The following MYO5A variants were observed in gnomAD, a reference collection of about 807,000 sequenced individuals.
MYO5A encodes myosin VA.
In MYO5A, 98 loss-of-function variants were observed where a neutral mutation model predicts 249.7. The observed-to-expected ratio is 0.39, with a 90% confidence interval of 0.33 to 0.46. MYO5A has a LOEUF of 0.46. Ranked by LOEUF, MYO5A falls within the 20% of genes least tolerant of loss-of-function variation. The pLI is 0.98. For synonymous variants in MYO5A, 778 were observed against 810.6 expected (o/e 0.96, Z 0.68); for missense variants, 1,696 against 2,308.8 (o/e 0.73, Z 5.44).
At position 52,327,852 on chromosome 15, in the gene MYO5A, C is replaced by T. The variant is rs1367809252; in HGVS notation, c.4710G>A (p.Lys1570=). The change falls in exon 36 of 42, where the codon AAG becomes AAA. Residue 1570 remains lysine (K), a splice_region_variant and synonymous_variant. Coordinates refer to ENST00000399233, the MANE Select transcript of MYO5A (RefSeq NM_001382347.1). ...STINSIKKVL[K]KRGDDFETVS... ...AGAATTTTGTTGAACAGGAACTGACCTTCAATACTTTTTTGATGCTGTTAA... is the reference window on the plus strand; with the variant it reads ...AGAATTTTGTTGAACAGGAACTGACTTTCAATACTTTTTTGATGCTGTTAA... The T allele has an allele frequency of 6.2e-7, 1 of 1,613,076 alleles. No individual in the cohort carries two copies.
At chr15:52,472,745 G>A (rs2076502908) in intron 1 of MYO5A, among the ~76,000 whole-genome samples, 1 of 152,090 alleles carries the variant, frequency 6.6e-6, no homozygotes, top group African/African-American at 2.4e-5. Flanking sequence ...TGGCTACGTA[G>A]TATTCCATGG....
At chr15:52,376,876 T>C (rs1212875385) in intron 18 of MYO5A, among the ~76,000 whole-genome samples, 1 of 152,212 alleles carries the variant, frequency 6.6e-6, no homozygotes, top group Non-Finnish European at 1.5e-5. Flanking sequence ...CTCAAGGAAA[T>C]GGAGATGCTG....
intron 14 of MYO5A, among the ~76,000 whole-genome samples, chr15:52,386,626 C>G (rs770035348): frequency 3.3e-5 from 5 of 151,934 alleles, no homozygotes; most frequent in Non-Finnish European, 7.4e-5. Flanking sequence ...CGGCTCACTG[C>G]AGCCTCAACC....
intron 4 of MYO5A, among the ~76,000 whole-genome samples, chr15:52,419,875 T>C (rs902564068): frequency 1.3e-5 from 2 of 152,254 alleles, no homozygotes; most frequent in African/African-American, 4.8e-5. Flanking sequence ...ATTTTATTCC[T>C]GCTGCAACCT....
At chr15:52,447,569 G>C (rs545333663) in intron 1 of MYO5A, among the ~76,000 whole-genome samples, 8 of 152,338 alleles carry the variant, frequency 5.3e-5, no homozygotes, top group African/African-American at 1.9e-4. Context: ...GTAATGGGCA[G>C]AGGTTCAAAC....
intron 34 of MYO5A, among the ~76,000 whole-genome samples, chr15:52,332,719 T>A (rs1013990270): frequency 3.9e-5 from 6 of 152,164 alleles, no homozygotes; most frequent in Non-Finnish European, 7.4e-5. Flanking sequence ...ATCAGAGCAC[T>A]TTGGGAGGCC....
intron 1 of MYO5A, among the ~76,000 whole-genome samples, chr15:52,512,156 G>A (rs2077404443): frequency 7.7e-6 from 1 of 129,052 alleles, no homozygotes. Flanking sequence ...GAGCAAGACT[G>A]TCTCAAAAAA....
chr15:52,314,644 C>T (rs558334685), intron 40 of MYO5A, among the ~76,000 whole-genome samples: 2 of 152,112 alleles, frequency 1.3e-5, no homozygotes, highest in African/African-American at 4.8e-5. Flanking sequence ...AAAATGTTAG[C>T]CGTATTAATA....
At chr15:52,344,073 C>A (rs1290726148) in intron 30 of MYO5A, among the ~76,000 whole-genome samples, 3 of 152,156 alleles carry the variant, frequency 2.0e-5, no homozygotes, top group African/African-American at 7.2e-5. Flanking sequence ...TGGATCCCAG[C>A]ACTGACTCTG....
chr15:52,374,273 T>C (rs956061321), intron 20 of MYO5A, among the ~76,000 whole-genome samples: 1 of 152,248 alleles, frequency 6.6e-6, no homozygotes. Context: ...TATCTGTCAA[T>C]ACAATTTTAA....
rs544886982 is a variant in MYO5A at position 52,412,919 on chromosome 15, G to A, written c.613-2443C>T. ...TCCCAGCACTTTGGGAGGCCAAGGC[G>A]GGTGGATCACCTGAGGTCAAGAGTT... On this transcript the variant is annotated intron_variant, in intron 5 of 41. Transcript: ENST00000399233. 4.0e-5 allele frequency among the ~76,000 whole-genome samples: 6 copies of A among 151,898 alleles called. No individual in the cohort carries two copies. The South Asian group carries it at 1.0e-3, about 26-fold the overall frequency.
chr15:52,384,457 T>C, intron 14 of MYO5A, 135 bp from the exon 15 acceptor site: 1 of 910,202 alleles, frequency 1.1e-6, no homozygotes, highest in Non-Finnish European at 1.7e-6. Flanking sequence ...AGTCAGTATC[T>C]GTGCTAAGAG....
intron 1 of MYO5A, among the ~76,000 whole-genome samples, chr15:52,527,059 G>GA (rs1371304939): frequency 1.3e-5 from 2 of 152,106 alleles, no homozygotes; most frequent in African/African-American, 2.4e-5. Context: ...CATGTTTTAA[G>GA]AAAGTTTATG....
intron 34 of MYO5A, 101 bp downstream of exon 34, chr15:52,336,362 A>G (rs1279426073): frequency 2.7e-6 from 2 of 747,946 alleles, no homozygotes; most frequent in East Asian, 5.4e-5. Context: ...TATCCCTAAT[A>G]TTTGCATGCA....
chr15:52,372,956 ATT>A (rs3834957), intron 20 of MYO5A, among the ~76,000 whole-genome samples: 4 of 145,030 alleles, frequency 2.8e-5, no homozygotes, highest in African/African-American at 1.0e-4. Flanking sequence ...TGATTTATTG[ATT>A]TTTTTTTTTT....
At chr15:52,318,283 C>T (rs2038122074) in intron 39 of MYO5A, among the ~76,000 whole-genome samples, 1 of 151,742 alleles carries the variant, frequency 6.6e-6, no homozygotes, top group Non-Finnish European at 1.5e-5. Context: ...TGGTGAAACC[C>T]TGTCTCTACA....
intron 29 of MYO5A, among the ~76,000 whole-genome samples, chr15:52,346,855 T>C (rs910641174): frequency 4.0e-5 from 6 of 151,684 alleles, no homozygotes; most frequent in African/African-American, 1.4e-4. Flanking sequence ...TAATGGAATG[T>C]ACAAAGCCAT....
At chr15:52,319,960 T>C (rs1596276717) in intron 38 of MYO5A, among the ~76,000 whole-genome samples, 2 of 152,302 alleles carry the variant, frequency 1.3e-5, no homozygotes, top group South Asian at 4.1e-4. Flanking sequence ...GAGTGGTAGG[T>C]AGCAGTTCGG....
chr15:52,471,592 A>AACACACACACACAC (rs111751236), intron 1 of MYO5A, among the ~76,000 whole-genome samples: 4,434 of 144,900 alleles, frequency 0.031, 88 homozygotes, highest in African/African-American at 0.048. Context: ...CTGTCTCTAA[A>AACACACACACACAC]ACACACACAC....
Sources: allele counts gnomAD v4.1 joint callset (sites outside exome capture counted in the v4.1 genomes callset), GRCh38; gene constraint gnomAD v4.1.1; transcripts MANE v1.5; gene names NCBI Gene and HGNC (gene_info 2026-07-23, HGNC 2026-07-21).